HIBCH: variants seen among roughly 807,000 people sequenced by gnomAD.
HIBCH encodes the protein 3-hydroxyisobutyryl-CoA hydrolase, mitochondrial.
HIBCH carries 50 observed loss-of-function variants against 58.2 expected under a neutral mutation model. The observed-to-expected ratio is 0.86, with a 90% CI of 0.68 to 1.09. The LOEUF (loss-of-function observed/expected upper bound fraction) is 1.09. Among genes scored for constraint, HIBCH ranks in the 50% least tolerant of loss-of-function variants. HIBCH has a pLI of 0.00. For missense variants in HIBCH, 450 were observed against 449.7 expected (o/e 1.00, Z -0.01); for synonymous variants, 151 against 146.9 (o/e 1.03, Z -0.20).
downstream of HIBCH, among the ~76,000 whole-genome samples, chr2:190,199,337 T>C (rs1270273492): frequency 6.6e-6 from 1 of 152,222 alleles, no homozygotes; most frequent in Non-Finnish European, 1.5e-5. Context: ...CACGTGAGCA[T>C]GGCTGTACAA....
chr2:190,270,326 C>T (rs1687359850), intron 6 of HIBCH, among the ~76,000 whole-genome samples: 1 of 149,638 alleles, frequency 6.7e-6, no homozygotes. Context: ...GTTAACCACC[C>T]ATGATTTATA....
Position 190,216,259 on chromosome 2 carries a change from A to C in HIBCH, c.892-3184T>G, listed in dbSNP as rs976849102. The C allele has an allele frequency of 1.3e-5, 2 of 152,738 alleles. No individual in the cohort carries two copies. The highest frequency in any genetic ancestry group is 2.9e-5 in the Non-Finnish European group (2 of 68,432). The allele number at this position is 152,738 out of a possible 1,614,324, so 9.5% of individuals were successfully genotyped here. ...CAGAGCCTGGGAACCGGGCGATGCA[A>C]ATGAGAAAGGGATGTGGAGGACAGT... On this transcript the variant is annotated intron_variant, in intron 11 of 13. Coordinates refer to ENST00000359678, the MANE Select transcript of HIBCH (RefSeq NM_014362.4). This position sits in a 1 kb window ranked among gnomAD's most constrained non-coding sequence, Gnocchi z 4.2.
At chr2:190,278,738 CAAAA>C (rs34358967) in intron 6 of HIBCH, among the ~76,000 whole-genome samples, 1 of 79,654 alleles carries the variant, frequency 1.3e-5, no homozygotes. Context: ...GACTCCATCT[CAAAA>C]AAAAAAAAAA....
chr2:190,293,349 A>C (rs1688003387), intron 4 of HIBCH, among the ~76,000 whole-genome samples: 1 of 152,142 alleles, frequency 6.6e-6, no homozygotes, highest in Non-Finnish European at 1.5e-5. Flanking sequence ...GCTACTCGGG[A>C]AGCTGAGGCA....
intron 11 of HIBCH, among the ~76,000 whole-genome samples, chr2:190,238,333 G>A (rs906782772): frequency 6.6e-6 from 1 of 152,162 alleles, no homozygotes; most frequent in Non-Finnish European, 1.5e-5. Flanking sequence ...GCCAGTATCT[G>A]TTGTTTCCAG....
At position 190,281,537 on chromosome 2, in the gene HIBCH, C is replaced by A. The variant is rs1258815457; in HGVS notation, c.438+6049G>T. Among the ~76,000 whole-genome samples, 4 of 152,288 alleles carry A rather than the reference C, an allele frequency of 2.6e-5. No individual in the cohort carries two copies. Among genetic ancestry groups the A allele is most frequent in the Non-Finnish European group, 5.9e-5 (4 of 68,020 alleles). On this transcript the variant is annotated intron_variant, in intron 6 of 13. Coordinates refer to ENST00000359678, the MANE Select transcript of HIBCH (RefSeq NM_014362.4). The surrounding 1 kb of genome is among the most constrained non-coding windows in gnomAD (Gnocchi z 5.4). ...GGGAGGCTCAAAGGTCTCGGAAATG[C>A]CTTGAGGGTCTTTCTCCCATTGTCT...
chr2:190,193,138 C>G (rs1256593958), intron 1 of HIBCH, among the ~76,000 whole-genome samples: 1 of 151,950 alleles, frequency 6.6e-6, no homozygotes, highest in Non-Finnish European at 1.5e-5. Flanking sequence ...GAAGGCCTTC[C>G]TATTAATACT....
In HIBCH at chr2:190,206,226, T is replaced by C. The variant is rs532329797; in HGVS notation, c.1046-994A>G. Among the ~76,000 whole-genome samples, 6 of 152,104 alleles carry C rather than the reference T, an allele frequency of 3.9e-5. No homozygotes were observed. The highest frequency in any genetic ancestry group is 1.4e-4 in the African/African-American group (6 of 41,496). On this transcript the variant is annotated intron_variant, in intron 13 of 13. Coordinates refer to ENST00000359678, the MANE Select transcript of HIBCH (RefSeq NM_014362.4). This position sits in a 1 kb window ranked among gnomAD's most constrained non-coding sequence, Gnocchi z 5.1. ...TACAATTAAATGCAGATACGGGAGGTTTGTTTTTAAGATTTAACTGCCTAC... is the reference window on the plus strand; with the variant it reads ...TACAATTAAATGCAGATACGGGAGGCTTGTTTTTAAGATTTAACTGCCTAC...
intron 6 of HIBCH, among the ~76,000 whole-genome samples, chr2:190,269,102 A>C (rs2105961725): frequency 6.6e-6 from 1 of 152,354 alleles, no homozygotes; most frequent in East Asian, 1.9e-4. Context: ...TTAAAGACTT[A>C]AACGTAAGAC....
At chr2:190,228,855 C>T (rs1379540923) in intron 11 of HIBCH, among the ~76,000 whole-genome samples, 1 of 152,158 alleles carries the variant, frequency 6.6e-6, no homozygotes, top group African/African-American at 2.4e-5. Flanking sequence ...TATTGCTGAG[C>T]ACCTACAATG....
chr2:190,285,131 A>T (rs1687799512), intron 6 of HIBCH, among the ~76,000 whole-genome samples: 1 of 152,194 alleles, frequency 6.6e-6, no homozygotes, highest in South Asian at 2.1e-4. Flanking sequence ...ATCTACTGCC[A>T]TTAAAATAAA....
At chr2:190,255,591 G>T (rs1292934174) in intron 7 of HIBCH, among the ~76,000 whole-genome samples, 1 of 152,176 alleles carries the variant, frequency 6.6e-6, no homozygotes, top group Non-Finnish European at 1.5e-5. Flanking sequence ...AAGCAATAAA[G>T]AAAAGTGGTC....
At chr2:190,266,499 C>G (rs1334442036) in intron 6 of HIBCH, among the ~76,000 whole-genome samples, 2 of 151,302 alleles carry the variant, frequency 1.3e-5, no homozygotes, top group Non-Finnish European at 3.0e-5. Flanking sequence ...AGTGGCGTGA[C>G]CTTTACTCAC....
In HIBCH at chr2:190,314,282, T is replaced by A. The variant is rs1257949934; in HGVS notation, c.36-3486A>T. On this transcript the variant is annotated intron_variant, in intron 1 of 13. Coordinates refer to ENST00000359678, the MANE Select transcript of HIBCH (RefSeq NM_014362.4). ...TGGACCAGTTACTACAAAAAAAATA[T>A]ATATATATGTATATATACATATATA... 3.0e-4 allele frequency among the ~76,000 whole-genome samples: 32 copies of A among 107,312 alleles called. 1 individual carries two copies. Among genetic ancestry groups the A allele is most frequent in the Admixed American group, 1.3e-3 (10 of 7,470 alleles). The allele number at this position is 107,312 out of a possible 152,430, so 70.4% of individuals were successfully genotyped here. A position where few individuals can be genotyped will look rare whatever the true frequency, so the allele number is the denominator to read the frequency against.
chr2:190,258,718 CAT>C (rs770830779), intron 7 of HIBCH, among the ~76,000 whole-genome samples: 2 of 152,296 alleles, frequency 1.3e-5, no homozygotes, highest in Non-Finnish European at 2.9e-5. Context: ...GTCATTTTCC[CAT>C]ATGTTTTCTT....
rs148512598 is a variant in HIBCH at position 190,195,321 on chromosome 2, A to G, written c.*18-5324T>C. ...ATTTTTGCATGGATTTAAGCGTTCA[A>G]CTTATTGGGTAAATACCAAGAAGCA... On this transcript the variant is annotated intron_variant, in intron 1 of 1. Coordinates refer to the HIBCH transcript ENST00000399855. Among the ~76,000 whole-genome samples the G allele has an allele frequency of 2.4e-3, 359 of 152,342 alleles. 2 individuals carry two copies. Among genetic ancestry groups the G allele is most frequent in the African/African-American group, 8.1e-3 (336 of 41,578 alleles).
chr2:190,226,812 G>A (rs548345968), intron 11 of HIBCH, among the ~76,000 whole-genome samples: 4 of 152,186 alleles, frequency 2.6e-5, no homozygotes, highest in African/African-American at 4.8e-5. Context: ...CAAATCATGA[G>A]TGAACTCCCA....
At position 190,317,082 on chromosome 2, in the gene HIBCH, T is replaced by C. The variant is rs113852157; in HGVS notation, c.35+2634A>G. The stretch of plus-strand genomic sequence containing the variant: ...GCGTATGCCACCATACCCAGCTAGT[T>C]TTTTTATTTCTTATTTTTTGTAGAA... On this transcript the variant is annotated intron_variant, in intron 1 of 13. Coordinates refer to ENST00000359678, the MANE Select transcript of HIBCH (RefSeq NM_014362.4). 1.0e-3 allele frequency among the ~76,000 whole-genome samples: 153 copies of C among 152,180 alleles called. 2 individuals are homozygous for C. Among genetic ancestry groups the C allele is most frequent in the African/African-American group, 3.6e-3 (150 of 41,506 alleles).
chr2:190,226,122 C>T (rs867015650), intron 11 of HIBCH, among the ~76,000 whole-genome samples: 1 of 152,170 alleles, frequency 6.6e-6, no homozygotes, highest in Non-Finnish European at 1.5e-5. Context: ...ATAATCAGAG[C>T]TATTTATGAC....
Sources: gnomAD v4.1 joint callset for allele counts (sites outside exome capture counted in the v4.1 genomes callset) on GRCh38, gnomAD v4.1.1 for gene constraint, Gnocchi (gnomAD v3.1) non-coding constraint, MANE v1.5 for transcripts, NCBI Gene and HGNC (gene_info 2026-07-23, HGNC 2026-07-21) for gene names.